Variants in MGRN1 observed in about 807,000 individuals in gnomAD.
MGRN1 encodes the protein mahogunin ring finger 1, also known as E3 ubiquitin-protein ligase MGRN1.
MGRN1 carries 29 observed loss-of-function variants against 69.2 expected under a neutral mutation model. The observed-to-expected ratio is 0.42, with a 90% confidence interval of 0.31 to 0.57. The LOEUF is 0.57. Ranked by LOEUF, MGRN1 falls within the 20% of genes least tolerant of loss-of-function variation. The pLI, the probability that MGRN1 is intolerant of heterozygous loss-of-function variation, is 0.15. For missense variants in MGRN1, 998 were observed against 796.2 expected, an observed-to-expected ratio of 1.25 and a Z score of -3.05; for synonymous variants, 470 against 344.2, an observed-to-expected ratio of 1.37 and a Z score of -4.04.
intron 5 of MGRN1, among the ~76,000 whole-genome samples, chr16:4,660,168 A>G (rs539920198): frequency 6.6e-6 from 1 of 152,292 alleles, no homozygotes; most frequent in Admixed American, 6.5e-5. Flanking sequence ...CAGAGAGGAC[A>G]TGTGTGGAGG....
chr16:4,639,283 G>A (rs891635381), intron 1 of MGRN1, among the ~76,000 whole-genome samples: 4 of 152,282 alleles, frequency 2.6e-5, no homozygotes, highest in African/African-American at 4.8e-5. Context: ...GAATGGCGGC[G>A]GGAGCGTTGA....
chr16:4,660,646 G>A lies in MGRN1; in HGVS notation c.561+3283G>A, dbSNP rs145027188. Among the ~76,000 whole-genome samples, 540 of 152,320 alleles carry A rather than the reference G, an allele frequency of 3.5e-3. 3 individuals carry two copies. Among genetic ancestry groups the A allele is most frequent in the African/African-American group, 0.012 (513 of 41,582 alleles). ...CGCTCCAGAAAGCTCTGCCTCCCCCGTTTGGCTCCATCACCTAAAGGAGTG... is the reference window on the plus strand; with the variant it reads ...CGCTCCAGAAAGCTCTGCCTCCCCCATTTGGCTCCATCACCTAAAGGAGTG... On this transcript the variant is annotated intron_variant, in intron 5 of 16. Transcript: ENST00000262370.
At chr16:4,680,337 C>A (rs2079152302) in intron 12 of MGRN1, 3 of 507,714 alleles carry the variant, frequency 5.9e-6, no homozygotes, top group Middle Eastern at 4.9e-4. Context: ...TTGCCTCCGC[C>A]CCGCGTGGCC....
chr16:4,684,636 A>C (rs939100813), intron 16 of MGRN1, among the ~76,000 whole-genome samples: 1 of 152,268 alleles, frequency 6.6e-6, no homozygotes, highest in African/African-American at 2.4e-5. Context: ...CTCGGGCCCC[A>C]GACCCCATCA....
chr16:4,659,663 C>T (rs922991365), intron 5 of MGRN1, among the ~76,000 whole-genome samples: 1 of 152,282 alleles, frequency 6.6e-6, no homozygotes, highest in Non-Finnish European at 1.5e-5. Flanking sequence ...TGGATGGCCA[C>T]GCTGAGTTGG....
chr16:4,646,158 C>T (rs537984398), intron 1 of MGRN1, among the ~76,000 whole-genome samples: 23 of 152,214 alleles, frequency 1.5e-4, no homozygotes, highest in Non-Finnish European at 2.2e-4. Flanking sequence ...GGCTGTGTCA[C>T]GGTGGCTCAC....
intron 1 of MGRN1, among the ~76,000 whole-genome samples, chr16:4,637,219 C>G (rs1290994358): frequency 2.0e-5 from 3 of 151,002 alleles, no homozygotes; most frequent in Admixed American, 6.6e-5. Context: ...CACCTCAGGT[C>G]AGGAGTTGAA....
At chr16:4,661,341 C>T (rs867835454) in intron 5 of MGRN1, among the ~76,000 whole-genome samples, 7 of 152,188 alleles carry the variant, frequency 4.6e-5, no homozygotes, top group Non-Finnish European at 7.3e-5. Flanking sequence ...CAGGATTGGC[C>T]GCCTTGGCCA....
intron 1 of MGRN1, among the ~76,000 whole-genome samples, chr16:4,641,335 C>G (rs2078152061): frequency 6.6e-6 from 1 of 151,140 alleles, no homozygotes; most frequent in African/African-American, 2.5e-5. Context: ...CATGTGTGAG[C>G]AATAGGATTT....
rs2079408794 is a variant in MGRN1 at position 4,689,463 on chromosome 16, G to C, written c.*555G>C. The C allele has an allele frequency of 6.5e-6, 1 of 153,190 alleles. No homozygotes were observed. Among genetic ancestry groups the C allele is most frequent in the Non-Finnish European group, 1.5e-5 (1 of 68,540 alleles). 9.5% of individuals were successfully genotyped at this position (153,190 alleles called of 1,614,324 possible). On this transcript the variant is annotated 3_prime_UTR_variant, in exon 17 of 17. Transcript: ENST00000262370. Reference sequence around the variant, plus strand: ...TTTGCGCGGCCTCAGTGCCCTCCCTGGTGCGTCTGCGCTGGGGCCCTCAGT... The same window carrying C: ...TTTGCGCGGCCTCAGTGCCCTCCCTCGTGCGTCTGCGCTGGGGCCCTCAGT...
intron 1 of MGRN1, among the ~76,000 whole-genome samples, chr16:4,636,208 G>A (rs568348387): frequency 1.3e-5 from 2 of 152,138 alleles, no homozygotes; most frequent in African/African-American, 4.8e-5. Context: ...GCCCCCAGAG[G>A]CCCCCTATTG....
In MGRN1 at chr16:4,687,213, C is replaced by CT. The variant is rs1555460604; in HGVS notation, c.1619-1583_1619-1582insT. The CT allele has an allele frequency of 4.1e-5, 40 of 985,120 alleles. 1 individual carries two copies. The Middle Eastern group carries it at 2.1e-3, about 51-fold the overall frequency. 61.0% of individuals were successfully genotyped at this position (985,120 alleles called of 1,614,324 possible). A position where few individuals can be genotyped will look rare whatever the true frequency, so the allele number is the denominator to read the frequency against. On this transcript the variant is annotated intron_variant, in intron 16 of 16. Transcript: ENST00000262370. ...GTGAGGTTGGCATCCCCCATCCCCC[C>CT]CAAGAGGCGCCCTCTACCAGGGTGG...
intron 16 of MGRN1, chr16:4,687,598 C>CACACACAT (rs1428282446): frequency 2.0e-6 from 2 of 984,966 alleles, no homozygotes; most frequent in African/African-American, 3.5e-5. Flanking sequence ...CACACACACA[C>CACACACAT]ACACACACAC....
At chr16:4,681,517 G>A (rs369723035) in intron 12 of MGRN1, 33 bp from the exon 13 acceptor site, 294 of 1,584,734 alleles carry the variant, frequency 1.9e-4, no homozygotes, top group East Asian at 5.2e-4. Flanking sequence ...TGGTCCCTGG[G>A]CATGAGCCCC....
At chr16:4,687,448 A>T in intron 16 of MGRN1, 1 of 925,414 alleles carries the variant, frequency 1.1e-6, no homozygotes, top group Non-Finnish European at 1.3e-6. Flanking sequence ...AGGGGTGCTG[A>T]GGTGGGAGGA....
intron 8 of MGRN1, 68 bp downstream of exon 8, chr16:4,668,380 TACTC>T (rs2078853284): frequency 6.6e-6 from 10 of 1,525,654 alleles, no homozygotes; most frequent in Non-Finnish European, 9.1e-6. Flanking sequence ...CTCACACGCA[TACTC>T]ATACATAGAC....
At chr16:4,671,335 A>G in intron 8 of MGRN1, 56 bp from the exon 9 acceptor site, 1 of 1,560,336 alleles carries the variant, frequency 6.4e-7, no homozygotes, top group Non-Finnish European at 8.8e-7. Flanking sequence ...GTGGGTATGG[A>G]GGAGCCCTCA....
chr16:4,682,982 C>A, intron 14 of MGRN1, 36 bp downstream of exon 14: 2 of 1,506,100 alleles, frequency 1.3e-6, no homozygotes, highest in Non-Finnish European at 1.8e-6. Context: ...CGCACCCGCC[C>A]GGGCCAGCCC....
Position 4,683,158 on chromosome 16 carries a change from C to T in MGRN1, c.1483-66C>T. On this transcript the variant is annotated intron_variant, in intron 14 of 16. Transcript: ENST00000262370. Reference sequence around the variant, plus strand: ...GTCCCGGGAGGGCCGTGCCTGATGGCGGCTTGTCCTGGAGCGGTGGCCGCG... The same window carrying T: ...GTCCCGGGAGGGCCGTGCCTGATGGTGGCTTGTCCTGGAGCGGTGGCCGCG... The T allele has an allele frequency of 3.1e-6, 5 of 1,591,996 alleles. No individual in the cohort carries two copies. The highest frequency in any genetic ancestry group is 2.2e-5 in the East Asian group (1 of 44,782).
Sources: gnomAD v4.1 joint callset for allele counts (sites outside exome capture counted in the v4.1 genomes callset) on GRCh38, gnomAD v4.1.1 for gene constraint, MANE v1.5 for transcripts, NCBI Gene and HGNC (gene_info 2026-07-23, HGNC 2026-07-21) for gene names.